Variants in CLUAP1 observed in about 807,000 individuals in gnomAD.
The protein encoded by CLUAP1 is clusterin-associated protein 1.
A neutral mutation model predicts 55.0 loss-of-function variants in CLUAP1; 50 were observed. The observed-to-expected ratio is 0.91, with a 90% CI of 0.72 to 1.15. The LOEUF is 1.15. CLUAP1 is among the 50% of genes most tolerant of loss of function. The pLI is 0.00. For missense variants in CLUAP1, 530 were observed against 507.6 expected, an observed-to-expected ratio of 1.04 and a Z score of -0.42; for synonymous variants, 195 against 175.4, an observed-to-expected ratio of 1.11 and a Z score of -0.88.
At chr16:3,533,338 G>T (rs1306122388) in intron 11 of CLUAP1, 1 of 589,136 alleles carries the variant, frequency 1.7e-6, no homozygotes, top group Non-Finnish European at 3.0e-6. Context: ...CGCAGGCACG[G>T]AGCCTGGAGG....
intron 9 of CLUAP1, among the ~76,000 whole-genome samples, chr16:3,529,794 TTATATTATTATATA>T (rs1233440322): frequency 1.3e-4 from 8 of 62,916 alleles, no homozygotes; most frequent in Non-Finnish European, 1.9e-4. Context: ...ATAATATATA[TTATATTATTATATA>T]TATATTATAA....
chr16:3,510,694 T>C (rs2037607994), intron 4 of CLUAP1, among the ~76,000 whole-genome samples: 1 of 152,236 alleles, frequency 6.6e-6, no homozygotes, highest in African/African-American at 2.4e-5. Flanking sequence ...TTCTGCATTT[T>C]CTTTAATTCT....
chr16:3,524,611 A>G (rs2037905580), intron 8 of CLUAP1, among the ~76,000 whole-genome samples: 1 of 151,654 alleles, frequency 6.6e-6, no homozygotes, highest in Non-Finnish European at 1.5e-5. Flanking sequence ...AAAAAAAAAA[A>G]AAAAAAAAAA....
intron 9 of CLUAP1, among the ~76,000 whole-genome samples, chr16:3,529,527 TTATATGTTATATATTATTATATATTA>T (rs1332164952): frequency 9.7e-5 from 6 of 61,914 alleles, no homozygotes; most frequent in African/African-American, 4.7e-4. Context: ...TTATATATTA[TTATATGTTATATATTATTATATATTA>T]TATATTATTA....
At chr16:3,530,145 C>G (rs915609126) in intron 9 of CLUAP1, among the ~76,000 whole-genome samples, 1 of 151,560 alleles carries the variant, frequency 6.6e-6, no homozygotes, top group African/African-American at 2.4e-5. Flanking sequence ...GCCTCAAGCC[C>G]TTTTATAACC....
intron 6 of CLUAP1, among the ~76,000 whole-genome samples, chr16:3,516,306 C>G (rs771703410): frequency 5.9e-5 from 9 of 152,280 alleles, no homozygotes; most frequent in Non-Finnish European, 1.2e-4. Flanking sequence ...AGGCATAAAA[C>G]AAGAATTTGC....
At chr16:3,509,094 C>T (rs2037566307) in intron 4 of CLUAP1, among the ~76,000 whole-genome samples, 1 of 150,942 alleles carries the variant, frequency 6.6e-6, no homozygotes, top group Non-Finnish European at 1.5e-5. Context: ...CCATTTTTAC[C>T]AAAAAAAAGA....
intron 8 of CLUAP1, among the ~76,000 whole-genome samples, chr16:3,525,831 C>T (rs1276503315): frequency 6.6e-6 from 1 of 152,072 alleles, no homozygotes; most frequent in Non-Finnish European, 1.5e-5. Context: ...CCTCCCAAAG[C>T]GTGGGGGTTA....
intron 1 of CLUAP1, among the ~76,000 whole-genome samples, chr16:3,504,285 G>A (rs545606895): frequency 6.6e-6 from 1 of 152,054 alleles, no homozygotes; most frequent in African/African-American, 2.4e-5. Context: ...GTCATCCTAC[G>A]GATTCCCCTC....
chr16:3,511,621 G>A (rs115509765), intron 4 of CLUAP1, among the ~76,000 whole-genome samples: 5,187 of 152,266 alleles, frequency 0.034, 247 homozygotes, highest in African/African-American at 0.1. Flanking sequence ...CTGCCGTCAG[G>A]CACCCTACTG....
intron 7 of CLUAP1, among the ~76,000 whole-genome samples, chr16:3,522,107 C>T (rs1038738363): frequency 6.6e-6 from 1 of 151,922 alleles, no homozygotes; most frequent in African/African-American, 2.4e-5. Flanking sequence ...ACCTGTGGTC[C>T]CCTTTTTAGA....
chr16:3,532,940 C>G, intron 11 of CLUAP1, 99 bp downstream of exon 11: 5 of 1,471,470 alleles, frequency 3.4e-6, no homozygotes, highest in Non-Finnish European at 3.8e-6. Context: ...AGGGAGCCGT[C>G]TATGGTCAGC....
chr16:3,498,110 G>T (rs190318565), upstream of CLUAP1, among the ~76,000 whole-genome samples: 255 of 151,528 alleles, frequency 1.7e-3, 4 homozygotes, highest in African/African-American at 5.8e-3. Flanking sequence ...TGGGGGTGAG[G>T]GCTGGTGTAA....
At chr16:3,514,003 G>C (rs2037684140) in intron 5 of CLUAP1, among the ~76,000 whole-genome samples, 1 of 152,206 alleles carries the variant, frequency 6.6e-6, no homozygotes, top group Non-Finnish European at 1.5e-5. Flanking sequence ...TGACCCGGCA[G>C]TTGCCACCTG....
intron 2 of CLUAP1, among the ~76,000 whole-genome samples, chr16:3,505,257 G>A (rs1310686212): frequency 2.0e-5 from 3 of 152,116 alleles, no homozygotes; most frequent in East Asian, 1.9e-4. Flanking sequence ...CAGGCCGGGC[G>A]CAGTGGCTCA....
Position 3,530,586 on chromosome 16 carries a change from T to C in CLUAP1, c.947T>C (p.Ile316Thr), listed in dbSNP as rs1381549297. The C allele has an allele frequency of 1.2e-6, 2 of 1,613,890 alleles. No individual in the cohort carries two copies. The highest frequency in any genetic ancestry group is 1.1e-5 in the South Asian group (1 of 91,076). ...CTGCTAGGTAACGATGACTCGGACA[T>C]AGACATCCAGGAGGACGATGAATCC... ...LKSGSNDDSD[I>T]DIQEDDESDS... Residue 316 changes from isoleucine (I) to threonine (T), a missense_variant, in exon 10 of 12, where the codon ATA (isoleucine) becomes ACA (threonine). Coordinates refer to ENST00000576634, the MANE Select transcript of CLUAP1 (RefSeq NM_015041.3).
chr16:3,526,188 G>A lies in CLUAP1; in HGVS notation c.856-224G>A, dbSNP rs572248943. 3.9e-5 allele frequency among the ~76,000 whole-genome samples: 6 copies of A among 152,244 alleles called. No individual in the cohort carries two copies. The East Asian group carries it at 1.2e-3, about 29-fold the overall frequency. ...GGGGTGGGGCAGCTGCTTCACTCTG[G>A]GCGCCCCTGTCCACCAGGCCACGAG... On this transcript the variant is annotated intron_variant, in intron 8 of 11. Transcript: ENST00000576634.
At chr16:3,535,864 G>A (rs1016734799) in intron 11 of CLUAP1, 31 of 468,786 alleles carry the variant, frequency 6.6e-5, no homozygotes, top group Middle Eastern at 1.2e-3. Flanking sequence ...CTTCTTAGAC[G>A]CTGCGGGAAA....
At chr16:3,502,263 C>T (rs1195528172) in intron 1 of CLUAP1, among the ~76,000 whole-genome samples, 3 of 151,820 alleles carry the variant, frequency 2.0e-5, no homozygotes, top group Admixed American at 1.3e-4. Flanking sequence ...GCTAACATGG[C>T]GAAACCCTGC....
Sources: gnomAD v4.1 joint callset for allele counts (sites outside exome capture counted in the v4.1 genomes callset) on GRCh38, gnomAD v4.1.1 for gene constraint, MANE v1.5 for transcripts, NCBI Gene and HGNC (gene_info 2026-07-23, HGNC 2026-07-21) for gene names.